Variants in DIAPH3 observed in about 807,000 individuals in gnomAD.
DIAPH3 encodes protein diaphanous homolog 3.
DIAPH3 carries 117 observed loss-of-function variants against 144.3 expected under a neutral mutation model. The ratio of observed to expected loss-of-function variants is 0.81; its 90% confidence interval spans 0.70 to 0.95. DIAPH3 has a LOEUF of 0.95. Among genes scored for constraint, DIAPH3 ranks in the 40% least tolerant of loss-of-function variants. The pLI, the probability that DIAPH3 is intolerant of heterozygous loss-of-function variation, is 0.00. For missense variants in DIAPH3, 1,421 were observed against 1,412.7 expected (o/e 1.01, Z -0.09); for synonymous variants, 519 against 488.9 (o/e 1.06, Z -0.81).
At chr13:59,942,076 T>C (rs1012624152) in intron 17 of DIAPH3, among the ~76,000 whole-genome samples, 2 of 152,208 alleles carry the variant, frequency 1.3e-5, no homozygotes, top group Non-Finnish European at 2.9e-5. Flanking sequence ...AAGATATATA[T>C]GATTTTTCAC....
rs1594263388 is a variant in DIAPH3, at chr13:59,994,166, T to C, written c.1015-1583A>G. On this transcript the variant is annotated intron_variant, in intron 9 of 27. Coordinates refer to ENST00000400324, the MANE Select transcript of DIAPH3 (RefSeq NM_001042517.2). ...TAGGAAATTAAATTGAAATAATGAA[T>C]TCAAGTTAAATTTATAAAATTGCTT... 2.6e-5 allele frequency among the ~76,000 whole-genome samples: 4 copies of C among 151,980 alleles called. 1 individual carries two copies. In the South Asian group the frequency reaches 8.3e-4, roughly 31 times the overall value.
chr13:59,806,535 C>A (rs1566338142), intron 25 of DIAPH3, among the ~76,000 whole-genome samples: 1 of 151,852 alleles, frequency 6.6e-6, no homozygotes. Context: ...TCTCTGAGAC[C>A]AAATTTTGTT....
At chr13:60,143,758 G>A (rs183100163) in intron 1 of DIAPH3, among the ~76,000 whole-genome samples, 57 of 152,260 alleles carry the variant, frequency 3.7e-4, no homozygotes, top group Non-Finnish European at 6.6e-4. Flanking sequence ...GCCCTCTGGG[G>A]CCTTTCACAT....
In DIAPH3 at chr13:59,695,366, A is replaced by G. The variant is rs115159374; in HGVS notation, c.3320-28520T>C. The G allele has an allele frequency of 2.1e-3, 325 of 152,382 alleles. 2 individuals are homozygous for G. The highest frequency in any genetic ancestry group is 7.4e-3 in the African/African-American group (306 of 41,588). The allele number at this position is 152,382 out of a possible 1,614,324, so 9.4% of individuals were successfully genotyped here. A position where few individuals can be genotyped will look rare whatever the true frequency, so the allele number is the denominator to read the frequency against. On this transcript the variant is annotated intron_variant, in intron 27 of 27. Transcript: ENST00000400324. ...TAGAATGAGGAATGCCAGGAGGAAT[A>G]ATACTAAATCTATATTCTCTCTCTC...
At chr13:60,038,852 T>C (rs2055422960) in intron 5 of DIAPH3, among the ~76,000 whole-genome samples, 1 of 135,148 alleles carries the variant, frequency 7.4e-6, no homozygotes, top group Admixed American at 8.1e-5. Flanking sequence ...GCTATATGCA[T>C]AGATGAGTAT....
At chr13:59,778,214 C>T (rs1157524984) in intron 25 of DIAPH3, among the ~76,000 whole-genome samples, 1 of 152,178 alleles carries the variant, frequency 6.6e-6, no homozygotes, top group Admixed American at 6.5e-5. Context: ...ACTGAGAATC[C>T]TTTCCTGACC....
intron 8 of DIAPH3, among the ~76,000 whole-genome samples, chr13:60,009,942 T>A (rs566178819): frequency 1.3e-5 from 2 of 152,356 alleles, no homozygotes; most frequent in East Asian, 3.9e-4. Context: ...CCCTAATTTT[T>A]AAAAATCTTT....
intron 4 of DIAPH3, among the ~76,000 whole-genome samples, chr13:60,059,165 T>A (rs1194892432): frequency 6.6e-6 from 1 of 151,622 alleles, no homozygotes; most frequent in Non-Finnish European, 1.5e-5. Context: ...TTTAAAAAAA[T>A]TTATAAAATA....
chr13:59,695,359 G>A (rs117623951), intron 27 of DIAPH3: 1 of 152,186 alleles, frequency 6.6e-6, no homozygotes, highest in African/African-American at 2.4e-5. Flanking sequence ...GGAATGCCAG[G>A]AGGAATAATA....
chr13:59,884,044 G>A (rs1023471711), intron 20 of DIAPH3, among the ~76,000 whole-genome samples: 1 of 152,122 alleles, frequency 6.6e-6, no homozygotes, highest in South Asian at 2.1e-4. Context: ...GGGCCTGAGC[G>A]AGCAGGTGAA....
intron 4 of DIAPH3, among the ~76,000 whole-genome samples, chr13:60,047,066 T>C (rs2056104852): frequency 6.6e-6 from 1 of 152,098 alleles, no homozygotes; most frequent in African/African-American, 2.4e-5. Context: ...ATGGCACGTG[T>C]ATACCTATGT....
At chr13:59,990,103 T>G (rs2051713999) in intron 12 of DIAPH3, among the ~76,000 whole-genome samples, 1 of 151,916 alleles carries the variant, frequency 6.6e-6, no homozygotes, top group African/African-American at 2.4e-5. Context: ...TTTAAACTGG[T>G]TTATTTTTAA....
intron 27 of DIAPH3, among the ~76,000 whole-genome samples, chr13:59,703,801 T>C (rs1254094864): frequency 1.3e-5 from 2 of 152,180 alleles, no homozygotes; most frequent in Non-Finnish European, 2.9e-5. Flanking sequence ...CAGTGTTTTA[T>C]TGAAATCTGG....
chr13:59,944,546 A>AT (rs1314754076), intron 17 of DIAPH3, among the ~76,000 whole-genome samples: 10 of 152,182 alleles, frequency 6.6e-5, no homozygotes, highest in African/African-American at 2.2e-4. Flanking sequence ...CAACTGGAGA[A>AT]TAGGAACACT....
At chr13:59,965,024 A>T (rs1056094514) in intron 17 of DIAPH3, among the ~76,000 whole-genome samples, 1 of 152,170 alleles carries the variant, frequency 6.6e-6, no homozygotes, top group Non-Finnish European at 1.5e-5. Context: ...AGTTTAAAAA[A>T]TTTTATACAC....
Position 59,901,747 on chromosome 13 carries a change from A to G in DIAPH3, c.2367+9988T>C, listed in dbSNP as rs193278592. Among the ~76,000 whole-genome samples the G allele has an allele frequency of 2.0e-5, 3 of 152,340 alleles. No homozygotes were observed. The East Asian group carries it at 5.8e-4, about 29-fold the overall frequency. On this transcript the variant is annotated intron_variant, in intron 20 of 27. Coordinates refer to ENST00000400324, the MANE Select transcript of DIAPH3 (RefSeq NM_001042517.2). ...ACAAAGTATTTGAAGAAAATTTATC[A>G]GACAATGGTACAGTCTACCAATACA... is the stretch of plus-strand genomic sequence containing the variant.
intron 27 of DIAPH3, among the ~76,000 whole-genome samples, chr13:59,705,967 T>C (rs552112613): frequency 6.6e-6 from 1 of 151,932 alleles, no homozygotes; most frequent in South Asian, 2.1e-4. Context: ...TTACTGTTGT[T>C]ATCTAGTAGG....
chr13:59,767,261 GA>G (rs1262382113), intron 27 of DIAPH3, among the ~76,000 whole-genome samples: 2 of 152,094 alleles, frequency 1.3e-5, no homozygotes, highest in Non-Finnish European at 2.9e-5. Flanking sequence ...GATTCACCAA[GA>G]ATTTGACATG....
intron 3 of DIAPH3, among the ~76,000 whole-genome samples, chr13:60,105,495 A>G (rs564013158): frequency 1.3e-5 from 2 of 152,190 alleles, no homozygotes; most frequent in South Asian, 4.1e-4. Context: ...AGAAACAACT[A>G]AACACTGACA....
Sources: allele counts gnomAD v4.1 joint callset (sites outside exome capture counted in the v4.1 genomes callset), GRCh38; gene constraint gnomAD v4.1.1; transcripts MANE v1.5; gene names NCBI Gene and HGNC (gene_info 2026-07-23, HGNC 2026-07-21).